MTNR1A: variants seen among roughly 807,000 people sequenced by gnomAD.
MTNR1A encodes melatonin receptor type 1A.
In MTNR1A, 7 loss-of-function variants were observed where a neutral mutation model predicts 5.5. The ratio of observed to expected loss-of-function variants is 1.28; its 90% CI spans 0.73 to 2.40. The LOEUF is 2.40. MTNR1A is among the 30% of genes most tolerant of loss of function. The probability of loss-of-function intolerance (pLI) is 0.00; values close to 1 mark genes in which losing one functional copy is unlikely to be tolerated. For missense variants in MTNR1A, 441 were observed against 464.4 expected, an observed-to-expected ratio of 0.95 and a Z score of 0.46; for synonymous variants, 196 against 202.7, an observed-to-expected ratio of 0.97 and a Z score of 0.28.
chr4:186,535,389 G>GAAA lies in MTNR1A; in HGVS notation c.185-835_185-833dup, dbSNP rs397731233. On this transcript the variant is annotated intron_variant, in intron 1 of 1. Coordinates refer to ENST00000307161, the MANE Select transcript of MTNR1A (RefSeq NM_005958.4). ...ATATAACAACACATATTTAATTACAGAAAAAAAAAACTCTAGTCACTTTTT... is the reference window on the plus strand; with the variant it reads ...ATATAACAACACATATTTAATTACAGAAAAAAAAAAAAACTCTAGTCACTTTTT... Among the ~76,000 whole-genome samples the GAAA allele has an allele frequency of 4.4e-4, 65 of 148,610 alleles. No homozygotes were observed. In the South Asian group the frequency reaches 5.1e-3, roughly 12 times the overall value.
In MTNR1A at chr4:186,548,822, TATATATATATATATATATATATATAC is replaced by T. The variant is rs1158091948; in HGVS notation, c.184+6334_184+6359del. 3.5e-4 allele frequency among the ~76,000 whole-genome samples: 30 copies of T among 84,642 alleles called. No homozygotes were observed. The South Asian group carries it at 8.6e-3, about 24-fold the overall frequency. The allele number at this position is 84,642 out of a possible 152,430, so 55.5% of individuals were successfully genotyped here. On this transcript the variant is annotated intron_variant, in intron 1 of 1. Coordinates refer to ENST00000307161, the MANE Select transcript of MTNR1A (RefSeq NM_005958.4). The stretch of plus-strand genomic sequence containing the variant: ...CTTAATCTATAAAGATATATATATA[TATATATATATATATATATATATATAC>T]ACTATATATGTAAAACAATCTTTTA...
At position 186,533,899 on chromosome 4, in the gene MTNR1A, G is replaced by C. The variant is rs1341610510; in HGVS notation, c.843C>G (p.Tyr281Ter). ...RIPEWLFVAS[Y>*]YMAYFNSCLN... Reference sequence around the variant, plus strand: ...GGCAGCTGTTGAAATACGCCATGTAGTAACTGGCCACAAACAGCCACTCTG... The same window carrying C: ...GGCAGCTGTTGAAATACGCCATGTACTAACTGGCCACAAACAGCCACTCTG... Residue 281 changes from tyrosine to a stop codon, truncating the protein, a stop_gained, in exon 2 of 2, where the codon TAC becomes TAG. Transcript: ENST00000307161. LOFTEE classifies it high-confidence loss of function. 1 of 1,614,178 alleles carries C rather than the reference G, an allele frequency of 6.2e-7. No homozygotes were observed.
Position 186,533,846 on chromosome 4 carries a change from T to A in MTNR1A, c.896A>T (p.Asn299Ile). 5.0e-6 allele frequency: 8 copies of A among 1,614,146 alleles called. No homozygotes were observed. The highest frequency in any genetic ancestry group is 6.8e-6 in the Non-Finnish European group (8 of 1,180,028). Residue 299 changes from asparagine to isoleucine, a missense_variant, in exon 2 of 2, where the codon AAC becomes ATC. Physicochemically the swap from Asn to Ile is moderately radical, Grantham distance 149 (BLOSUM62 -3). Transcript: ENST00000307161. ...CLNAIIYGLL[N>I]QNFRKEYRRI... Reference sequence around the variant, plus strand: ...CCTGTATTCCTTCCTGAAATTTTGGTTCAGTAGCCCGTATATAATGGCATT... The same window carrying A: ...CCTGTATTCCTTCCTGAAATTTTGGATCAGTAGCCCGTATATAATGGCATT...
At chr4:186,552,540 G>A (rs4862706) in intron 1 of MTNR1A, among the ~76,000 whole-genome samples, 130,797 of 152,224 alleles carry the variant, frequency 0.86, 56,902 homozygotes, top group East Asian at 0.94. Flanking sequence ...ATGATTTCCA[G>A]CAAACAGAGC....
At chr4:186,540,627 G>A (rs1309708017) in intron 1 of MTNR1A, among the ~76,000 whole-genome samples, 2 of 152,248 alleles carry the variant, frequency 1.3e-5, no homozygotes, top group African/African-American at 2.4e-5. Flanking sequence ...ACCAGGTGCT[G>A]TCTATCTGAA....
At chr4:186,538,672 T>C (rs1736934101) in intron 1 of MTNR1A, among the ~76,000 whole-genome samples, 1 of 152,154 alleles carries the variant, frequency 6.6e-6, no homozygotes, top group Non-Finnish European at 1.5e-5. Flanking sequence ...AGCGAAAACC[T>C]CAAATACGCT....
At chr4:186,550,502 C>A (rs1293356816) in intron 1 of MTNR1A, among the ~76,000 whole-genome samples, 1 of 152,160 alleles carries the variant, frequency 6.6e-6, no homozygotes, top group Non-Finnish European at 1.5e-5. Flanking sequence ...GAAGAATGGG[C>A]AGAATGAGCT....
chr4:186,548,945 T>C (rs1165554618), intron 1 of MTNR1A, among the ~76,000 whole-genome samples: 1 of 150,074 alleles, frequency 6.7e-6, no homozygotes. Context: ...GTTGGAAGTA[T>C]TCCAAATTCA....
Position 186,533,677 on chromosome 4 carries a change from C to T in MTNR1A, c.*12G>A, listed in dbSNP as rs1025479903. On this transcript the variant is annotated 3_prime_UTR_variant, in exon 2 of 2. Transcript: ENST00000307161. ...CGCAGCGTGTCCATCTCACCCGGAA[C>T]GTGGTGCTTTTTTAAACGGAGTCCA... 7 of 1,613,676 alleles carry T rather than the reference C, an allele frequency of 4.3e-6. No individual in the cohort carries two copies. The highest frequency in any genetic ancestry group is 3.3e-5 in the Admixed American group (2 of 60,030).
At chr4:186,540,166 A>C (rs1021422387) in intron 1 of MTNR1A, among the ~76,000 whole-genome samples, 7 of 152,300 alleles carry the variant, frequency 4.6e-5, no homozygotes, top group African/African-American at 1.7e-4. Flanking sequence ...ACAGCATGGG[A>C]AAGACCTGCC....
chr4:186,545,900 C>T (rs758054405), intron 1 of MTNR1A, among the ~76,000 whole-genome samples: 1 of 152,074 alleles, frequency 6.6e-6, no homozygotes, highest in Non-Finnish European at 1.5e-5. Context: ...GGCTTTACTT[C>T]GAGGCATCAA....
rs1736767107 is a variant in MTNR1A at position 186,533,830 on chromosome 4, C to A, written c.912G>T (p.Lys304Asn). ...IYGLLNQNFR[K>N]EYRRIIVSLC... ...GCGAGACTATAATTCTCCTGTATTC[C>A]TTCCTGAAATTTTGGTTCAGTAGCC... Residue 304 changes from lysine (K) to asparagine (N), a missense_variant, in exon 2 of 2, where the codon AAG becomes AAT. By Grantham distance (94) the Lys-to-Asn change is moderately conservative. Transcript: ENST00000307161. 1 of 1,614,048 alleles carries A rather than the reference C, an allele frequency of 6.2e-7. No homozygotes were observed. The highest frequency in any genetic ancestry group is 8.5e-7 in the Non-Finnish European group (1 of 1,180,052).
intron 1 of MTNR1A, 51 bp from the exon 2 acceptor site, chr4:186,534,608 T>C: frequency 6.3e-7 from 1 of 1,592,506 alleles, no homozygotes. Flanking sequence ...CACAGTGGGT[T>C]TTCTGTTACA....
At chr4:186,546,094 T>C (rs1737132108) in intron 1 of MTNR1A, among the ~76,000 whole-genome samples, 1 of 152,200 alleles carries the variant, frequency 6.6e-6, no homozygotes, top group African/African-American at 2.4e-5. Flanking sequence ...CCTCAGTCTC[T>C]TAATATGCAA....
chr4:186,545,855 G>T (rs986778181), intron 1 of MTNR1A, among the ~76,000 whole-genome samples: 2 of 152,176 alleles, frequency 1.3e-5, no homozygotes, highest in African/African-American at 4.8e-5. Context: ...CAGGTGTGTA[G>T]GGAATATTCT....
At chr4:186,540,876 T>TGAAG (rs1239856783) in intron 1 of MTNR1A, among the ~76,000 whole-genome samples, 3 of 81,108 alleles carry the variant, frequency 3.7e-5, no homozygotes, top group African/African-American at 9.0e-5. Context: ...GCTGTCTGAC[T>TGAAG]GAAGGACCAG....
chr4:186,554,187 T>C lies in MTNR1A; in HGVS notation c.184+995A>G, dbSNP rs1041988585. 3.7e-5 allele frequency among the ~76,000 whole-genome samples: 5 copies of C among 134,920 alleles called. No individual in the cohort carries two copies. The East Asian group carries it at 1.0e-3, about 27-fold the overall frequency. The allele number at this position is 134,920 out of a possible 152,430, so 88.5% of individuals were successfully genotyped here. ...AACTCAATTCATATTACTAAGTGCT[T>C]AACTAACTAATTCTCAAACTACAAA... On this transcript the variant is annotated intron_variant, in intron 1 of 1. Transcript: ENST00000307161.
At chr4:186,551,411 TTG>T (rs139113558) in intron 1 of MTNR1A, among the ~76,000 whole-genome samples, 1,775 of 152,036 alleles carry the variant, frequency 0.012, 36 homozygotes, top group African/African-American at 0.04. Context: ...TATTGTCTAC[TTG>T]TTTTTTTTTT....
At chr4:186,538,453 G>A (rs918876472) in intron 1 of MTNR1A, among the ~76,000 whole-genome samples, 9 of 152,102 alleles carry the variant, frequency 5.9e-5, no homozygotes, top group Non-Finnish European at 7.4e-5. Flanking sequence ...TCGGCACTCC[G>A]AGTCTCATCT....
Sources: gnomAD v4.1 joint callset for allele counts (sites outside exome capture counted in the v4.1 genomes callset) on GRCh38, gnomAD v4.1.1 for gene constraint, MANE v1.5 for transcripts, NCBI Gene and HGNC (gene_info 2026-07-23, HGNC 2026-07-21) for gene names.